MYG1: variants seen among roughly 807,000 people sequenced by gnomAD.
The protein encoded by MYG1 is MYG1 exonuclease, also known as UPF0160 protein MYG1, mitochondrial.
Under a neutral mutation model 43.5 loss-of-function variants are expected in MYG1, and 36 were observed. That is an observed-to-expected ratio of 0.83 (90% CI 0.63 to 1.09). MYG1 has a LOEUF of 1.09. Among genes scored for constraint, MYG1 ranks in the 50% least tolerant of loss-of-function variants. The probability of loss-of-function intolerance (pLI) is 0.00; values close to 1 mark genes in which losing one functional copy is unlikely to be tolerated. For synonymous variants in MYG1, 220 were observed against 202.8 expected (o/e 1.08, Z -0.72); for missense variants, 529 against 495.1 (o/e 1.07, Z -0.65).
Position 53,306,184 on chromosome 12 carries a change from C to G in MYG1, c.643-14C>G. 1 of 1,614,178 alleles carries G rather than the reference C, an allele frequency of 6.2e-7. No individual in the cohort carries two copies. The highest frequency in any genetic ancestry group is 8.5e-7 in the Non-Finnish European group (1 of 1,180,026). On this transcript the variant is annotated splice_polypyrimidine_tract_variant and intron_variant, in intron 4 of 6. Transcript: ENST00000267103. The stretch of plus-strand genomic sequence containing the variant: ...TTGGGCCAGCATCATGGTTCTAATT[C>G]TCATCATTCCCAGGCAGGGTTCAAG...
At chr12:53,300,103 C>T (rs1592505674) in intron 1 of MYG1, 47 bp from the exon 2 acceptor site, 1 of 1,544,400 alleles carries the variant, frequency 6.5e-7, no homozygotes, top group South Asian at 1.2e-5. Flanking sequence ...CATTAATCCC[C>T]TACCCGGCGA....
intron 1 of MYG1, 41 bp from the exon 2 acceptor site, chr12:53,300,109 G>A (rs1469771625): frequency 1.3e-6 from 2 of 1,551,202 alleles, no homozygotes; most frequent in East Asian, 2.3e-5. Context: ...TCCCCTACCC[G>A]GCGACACCCG....
At position 53,306,830 on chromosome 12, in the gene MYG1, G is replaced by A. The variant is rs1944288586; in HGVS notation, c.916G>A (p.Val306Met). 2.5e-6 allele frequency: 4 copies of A among 1,613,978 alleles called. No individual in the cohort carries two copies. Among genetic ancestry groups the A allele is most frequent in the Non-Finnish European group, 3.4e-6 (4 of 1,179,916 alleles). Residue 306 changes from valine to methionine, a missense_variant, in exon 6 of 7, where the codon GTG becomes ATG. Val to Met is a conservative substitution (Grantham distance 21). Coordinates refer to ENST00000267103, the MANE Select transcript of MYG1 (RefSeq NM_021640.4). ...DQAGQWRIQC[V>M]PKEPHSFQSR... ...GGCTGGACAGTGGCGAATACAGTGT[G>A]TGCCCAAGGAGCCCCACTCATTCCA...
chr12:53,300,002 G>A (rs1354620346), intron 1 of MYG1, 49 bp downstream of exon 1: 1 of 1,601,458 alleles, frequency 6.2e-7, no homozygotes. Context: ...GCATGCCTCC[G>A]GGGTGGATGG....
At chr12:53,300,050 G>A in intron 1 of MYG1, 97 bp downstream of exon 1, 1 of 1,546,012 alleles carries the variant, frequency 6.5e-7, no homozygotes, top group Non-Finnish European at 8.8e-7. Flanking sequence ...GCGCCCGGCA[G>A]CCCAAGCACC....
intron 2 of MYG1, 177 bp downstream of exon 2, chr12:53,300,439 C>T (rs1398844511): frequency 1.8e-5 from 9 of 512,142 alleles, no homozygotes; most frequent in Non-Finnish European, 2.7e-5. Context: ...ACCCATCTCC[C>T]TGGCCTGGGA....
At chr12:53,305,234 C>G (rs1028558401) in intron 3 of MYG1, among the ~76,000 whole-genome samples, 2 of 152,162 alleles carry the variant, frequency 1.3e-5, no homozygotes, top group African/African-American at 4.8e-5. Context: ...ATAGGAGTTA[C>G]TTTCTCAGTG....
Position 53,307,144 on chromosome 12 carries a change from T to TC in MYG1, c.1128dup (p.Ter377LeufsTer3). On this transcript the variant is annotated frameshift_variant, in exon 7 of 7. Coordinates refer to ENST00000267103, the MANE Select transcript of MYG1 (RefSeq NM_021640.4). LOFTEE classifies it high-confidence loss of function. Reference sequence around the variant, plus strand: ...CCAGCGCTCATACCTCCCACAAATCTCCTAGTCTAATAAAACCTTCCATCT... The same window carrying TC: ...CCAGCGCTCATACCTCCCACAAATCTCCCTAGTCTAATAAAACCTTCCATCT... 1 of 1,607,278 alleles carries TC rather than the reference T, an allele frequency of 6.2e-7. No homozygotes were observed.
intron 3 of MYG1, 99 bp downstream of exon 3, chr12:53,303,292 G>A: frequency 7.3e-7 from 1 of 1,373,696 alleles, no homozygotes; most frequent in Non-Finnish European, 9.8e-7. Flanking sequence ...TCGGGTCAGG[G>A]TTCCTGGCCT....
At chr12:53,304,504 C>T (rs1164023864) in intron 3 of MYG1, among the ~76,000 whole-genome samples, 1 of 151,916 alleles carries the variant, frequency 6.6e-6, no homozygotes, top group African/African-American at 2.4e-5. Flanking sequence ...AGGCTGGTCT[C>T]AAACTCCTGA....
chr12:53,306,985 T>A lies in MYG1; in HGVS notation c.967T>A (p.Trp323Arg). 1 of 1,614,030 alleles carries A rather than the reference T, an allele frequency of 6.2e-7. No homozygotes were observed. The highest frequency in any genetic ancestry group is 8.5e-7 in the Non-Finnish European group (1 of 1,179,934). ...GCCCAGGCTGCCCCTGCCAGAGCCA[T>A]GGCGGGGTCTTCGGGACGAGGCCCT... ...FQSRLPLPEP[W>R]RGLRDEALDQ... Residue 323 changes from tryptophan (W) to arginine (R), a missense_variant, in exon 7 of 7, where the codon TGG becomes AGG. Physicochemically the swap from Trp to Arg is moderately radical, Grantham distance 101. Coordinates refer to ENST00000267103, the MANE Select transcript of MYG1 (RefSeq NM_021640.4).
chr12:53,305,727 ACAACGAGCTGTCTGAGCTT>A, intron 3 of MYG1, 162 bp from the exon 4 acceptor site: 1 of 678,270 alleles, frequency 1.5e-6, no homozygotes, highest in Non-Finnish European at 2.3e-6. Flanking sequence ...CAGTCACAGC[ACAACGAGCTGTCTGAGCTT>A]CAGCGAGCTG....
At chr12:53,302,355 T>C (rs1179214306) in intron 2 of MYG1, among the ~76,000 whole-genome samples, 1 of 152,254 alleles carries the variant, frequency 6.6e-6, no homozygotes, top group African/African-American at 2.4e-5. Flanking sequence ...TGGACTGGTA[T>C]TTAGAAATCA....
At chr12:53,306,526 TAG>T (rs1944283715) in intron 5 of MYG1, 152 bp from the exon 6 acceptor site, 1 of 1,080,796 alleles carries the variant, frequency 9.3e-7, no homozygotes, top group South Asian at 1.6e-5. Flanking sequence ...GTATTTTTTG[TAG>T]AGACAGGGTC....
At chr12:53,304,969 C>T (rs1455369227) in intron 3 of MYG1, among the ~76,000 whole-genome samples, 3 of 146,236 alleles carry the variant, frequency 2.1e-5, no homozygotes, top group Admixed American at 7.0e-5. Context: ...CCCAGGTTCA[C>T]GCCATTGTCC....
intron 2 of MYG1, among the ~76,000 whole-genome samples, chr12:53,301,237 C>G (rs1944230322): frequency 6.6e-6 from 1 of 152,092 alleles, no homozygotes. Context: ...TTTCATGTCA[C>G]AGTTCCACTA....
intron 3 of MYG1, chr12:53,303,416 A>G: frequency 4.0e-6 from 2 of 500,860 alleles, no homozygotes; most frequent in Non-Finnish European, 7.0e-6. Context: ...GCTGTAATAT[A>G]TGGGGAAGGG....
chr12:53,302,593 G>A (rs1944240196), intron 2 of MYG1, among the ~76,000 whole-genome samples: 1 of 152,196 alleles, frequency 6.6e-6, no homozygotes, highest in South Asian at 2.1e-4. Flanking sequence ...GGCCCTGCCT[G>A]CCCTTCCAGC....
At chr12:53,300,672 C>T (rs1000296648) in intron 2 of MYG1, among the ~76,000 whole-genome samples, 3 of 152,152 alleles carry the variant, frequency 2.0e-5, no homozygotes, top group South Asian at 4.1e-4. Flanking sequence ...TTACACCCTT[C>T]CAAAGGGAAA....
Sources: gnomAD v4.1 joint callset for allele counts (sites outside exome capture counted in the v4.1 genomes callset) on GRCh38, gnomAD v4.1.1 for gene constraint, MANE v1.5 for transcripts, NCBI Gene and HGNC (gene_info 2026-07-23, HGNC 2026-07-21) for gene names.